The following SON variants were observed in gnomAD, a reference collection of about 807,000 sequenced individuals.
SON encodes the protein SON DNA and RNA binding protein.
SON carries 4 observed loss-of-function variants against 173.3 expected under a neutral mutation model. The observed-to-expected ratio is 0.02, with a 90% CI of 0.01 to 0.05. SON has a LOEUF of 0.05. Ranked by LOEUF, SON falls within the 10% of genes least tolerant of loss-of-function variation. SON has a pLI of 1.00. For synonymous variants in SON, 1,190 were observed against 1,105.9 expected (o/e 1.08, Z -1.51); for missense variants, 2,626 against 3,055.3 (o/e 0.86, Z 3.31).
intron 7 of SON, among the ~76,000 whole-genome samples, chr21:33,567,964 G>A (rs2086207175): frequency 6.6e-6 from 1 of 152,064 alleles, no homozygotes; most frequent in Admixed American, 6.6e-5. Flanking sequence ...CTAATTAGTG[G>A]GGGAACTGGG....
chr21:33,556,256 G>A (rs1299845273), intron 3 of SON, among the ~76,000 whole-genome samples: 2 of 152,130 alleles, frequency 1.3e-5, no homozygotes, highest in Non-Finnish European at 2.9e-5. Flanking sequence ...AAGTGGTGGA[G>A]GAGACATGGG....
At chr21:33,576,183 C>A (rs1318711695) in intron 11 of SON, among the ~76,000 whole-genome samples, 182 bp from the exon 12 acceptor site, 1 of 356 alleles carries the variant, frequency 2.8e-3, no homozygotes, top group Non-Finnish European at 5.7e-3. Context: ...ATTTGGAGAC[C>A]TGCTCTAATT....
rs79116929 is a variant in SON, at chr21:33,574,932, C to T, written c.7034-664C>T. ...GGGACCTATTTTATTTGGAGACAAC[C>T]GTTTTCACCTTTTTGGTGGCTTAAA... On this transcript the variant is annotated intron_variant, in intron 9 of 11. Transcript: ENST00000356577. 1.2e-3 allele frequency among the ~76,000 whole-genome samples: 177 copies of T among 152,268 alleles called. 2 individuals carry two copies. In the East Asian group the frequency reaches 0.014, roughly 12 times the overall value.
chr21:33,574,809 AGT>A (rs1032850166), intron 9 of SON, among the ~76,000 whole-genome samples: 2 of 152,198 alleles, frequency 1.3e-5, no homozygotes, highest in African/African-American at 4.8e-5. Flanking sequence ...CTTTGTAATA[AGT>A]CTATGGAGAG....
chr21:33,573,081 C>A, intron 8 of SON: 1 of 382,180 alleles, frequency 2.6e-6, no homozygotes, highest in Non-Finnish European at 4.7e-6. Context: ...TGTTTCAAAA[C>A]TGCCATTTAC....
At chr21:33,546,594 A>G (rs1022742267) in intron 2 of SON, 6 of 330,544 alleles carry the variant, frequency 1.8e-5, no homozygotes, top group African/African-American at 1.1e-4. Context: ...AACCTGGTCA[A>G]CATGGAGAAA....
rs1212315044 is a variant in SON at position 33,551,746 on chromosome 21, A to G, written c.2515A>G (p.Ser839Gly). The G allele has an allele frequency of 6.2e-7, 1 of 1,612,892 alleles. No homozygotes were observed. Among genetic ancestry groups the G allele is most frequent in the South Asian group, 1.1e-5 (1 of 90,998 alleles). The stretch of plus-strand genomic sequence containing the variant: ...CATGGACTCCCAGATGTTAGCAACC[A>G]GCACCATGGATTCTCAGATGTTAGC... The part of the protein sequence containing the change: ...SSMDSQMLAT[S>G]TMDSQMLATS... The change falls in exon 3 of 12, where the codon AGC becomes GGC. Residue 839 changes from serine to glycine, a missense_variant. Physicochemically the swap from Ser to Gly is moderately conservative, Grantham distance 56. Transcript: ENST00000356577.
At chr21:33,547,749 C>G (rs988472808) in intron 2 of SON, among the ~76,000 whole-genome samples, 3 of 115,570 alleles carry the variant, frequency 2.6e-5, no homozygotes, top group South Asian at 3.0e-4. Flanking sequence ...GAGTCTCGCT[C>G]TGACGCCCAG....
At chr21:33,562,999 G>T (rs1209478776) in intron 6 of SON, among the ~76,000 whole-genome samples, 2 of 152,082 alleles carry the variant, frequency 1.3e-5, no homozygotes, top group African/African-American at 4.8e-5. Context: ...CAGTTTACTG[G>T]TTTGTATTTA....
chr21:33,560,717 T>G, intron 6 of SON: 1 of 579,400 alleles, frequency 1.7e-6, no homozygotes, highest in Non-Finnish European at 2.2e-6. Context: ...GGAGTCTTAA[T>G]AGGGGGGTGG....
chr21:33,557,774 A>G, intron 4 of SON: 1 of 1,288,416 alleles, frequency 7.8e-7, no homozygotes, highest in East Asian at 2.8e-5. Flanking sequence ...CCTGAAAGGA[A>G]CTTCTTTCGC....
At chr21:33,571,122 A>G (rs2086275108) in intron 8 of SON, among the ~76,000 whole-genome samples, 1 of 152,220 alleles carries the variant, frequency 6.6e-6, no homozygotes, top group East Asian at 1.9e-4. Context: ...AGATAAAGAT[A>G]TGTTCAGACC....
At position 33,543,042 on chromosome 21, in the gene SON, T is replaced by C. The variant is rs2085492886; in HGVS notation, c.-51T>C. On this transcript the variant is annotated 5_prime_UTR_variant, in exon 1 of 12. Coordinates refer to ENST00000356577, the MANE Select transcript of SON (RefSeq NM_138927.4). ...CCGTGCGCCTCCTCCCGAGGCATGC[T>C]GGGAGCCTGGAGGACTAGCGAGGAG... 6.4e-7 allele frequency: 1 copy of C among 1,566,442 alleles called. No homozygotes were observed. Among genetic ancestry groups the C allele is most frequent in the East Asian group, 2.2e-5 (1 of 44,660 alleles).
intron 6 of SON, chr21:33,560,621 T>A: frequency 1.1e-6 from 1 of 946,630 alleles, no homozygotes; most frequent in Non-Finnish European, 1.3e-6. Flanking sequence ...TATCTCTGTA[T>A]CTGTACCTTT....
Position 33,559,050 on chromosome 21 carries a change from G to T in SON, c.6322-180G>T. 8 of 335,384 alleles carry T rather than the reference G, an allele frequency of 2.4e-5. No individual in the cohort carries two copies. The highest frequency in any genetic ancestry group is 5.9e-5 in the East Asian group (1 of 17,088). 20.8% of individuals were successfully genotyped at this position (335,384 alleles called of 1,614,324 possible). A position where few individuals can be genotyped will look rare whatever the true frequency, so the allele number is the denominator to read the frequency against. On this transcript the variant is annotated intron_variant, in intron 4 of 11. Transcript: ENST00000356577. The surrounding 1 kb of genome is among the most constrained non-coding windows in gnomAD (Gnocchi z 4.1). ...TAGTAGGTGCTCAATAAATGTTGTT[G>T]ACTGACTGACCAGCCAGAGTGTGTT...
In SON at chr21:33,552,976, C is replaced by T; in HGVS notation, c.3745C>T (p.Pro1249Ser). ...AGTATCAGAGGCTGCTGTGACTGTT[C>T]CAGAACCACCACCAGAGCCAGAATC... Reference protein sequence around the residue: ...VLVSEAAVTVPEPPPEPESSI... With the variant: ...VLVSEAAVTVSEPPPEPESSI... The change falls in exon 3 of 12, where the codon CCA becomes TCA. Residue 1249 changes from proline (P) to serine (S), a missense_variant. Pro to Ser is a moderately conservative substitution (Grantham distance 74). Coordinates refer to ENST00000356577, the MANE Select transcript of SON (RefSeq NM_138927.4). This position sits in a 1 kb window ranked among gnomAD's most constrained non-coding sequence, Gnocchi z 5.6. 2 of 1,609,876 alleles carry T rather than the reference C, an allele frequency of 1.2e-6. No homozygotes were observed. The highest frequency in any genetic ancestry group is 1.1e-5 in the South Asian group (1 of 91,080).
intron 8 of SON, chr21:33,572,640 C>G: frequency 7.8e-7 from 1 of 1,285,502 alleles, no homozygotes; most frequent in Non-Finnish European, 1.0e-6. Context: ...GGTATGTAAA[C>G]ATTTAAGGAG....
Position 33,552,243 on chromosome 21 carries a change from T to C in SON, c.3012T>C (p.Ala1004=), listed in dbSNP as rs148794591. ...GACGTTCTATGATGATGTCCTATGC[T>C]GCAGAACGTTCCATGATGTCATCTT... ...ASRRSMMMSY[A]AERSMMSSYE... The change falls in exon 3 of 12, where the codon GCT becomes GCC. Residue 1004 remains alanine, a synonymous_variant. Transcript: ENST00000356577. The surrounding 1 kb of genome is among the most constrained non-coding windows in gnomAD (Gnocchi z 5.6). 1,480 of 1,614,182 alleles carry C rather than the reference T, an allele frequency of 9.2e-4. 2 individuals carry two copies. Among genetic ancestry groups the C allele is most frequent in the Middle Eastern group, 3.8e-3 (23 of 6,062 alleles).
intron 8 of SON, chr21:33,573,025 C>A: frequency 3.4e-6 from 1 of 290,530 alleles, no homozygotes; most frequent in Non-Finnish European, 6.4e-6. Context: ...TGGACGAAAA[C>A]AGGAGTGTTC....
Sources: gnomAD v4.1 joint callset for allele counts (sites outside exome capture counted in the v4.1 genomes callset) on GRCh38, gnomAD v4.1.1 for gene constraint, Gnocchi (gnomAD v3.1) non-coding constraint, MANE v1.5 for transcripts, NCBI Gene and HGNC (gene_info 2026-07-23, HGNC 2026-07-21) for gene names.